Variants in FBXL7 observed in about 807,000 individuals in gnomAD.
FBXL7 encodes the protein F-box and leucine rich repeat protein 7.
Under a neutral mutation model 38.3 loss-of-function variants are expected in FBXL7, and 12 were observed. That is an observed-to-expected ratio of 0.31 (90% CI 0.20 to 0.51). The LOEUF (loss-of-function observed/expected upper bound fraction) is 0.51. FBXL7 is among the 20% of genes least tolerant of loss of function. FBXL7 has a pLI of 0.98. For synonymous variants in FBXL7, 297 were observed against 300.9 expected, an observed-to-expected ratio of 0.99 and a Z score of 0.13; for missense variants, 567 against 676.4, an observed-to-expected ratio of 0.84 and a Z score of 1.79.
At chr5:15,739,832 G>A (rs1023256918) in intron 2 of FBXL7, among the ~76,000 whole-genome samples, 8 of 152,052 alleles carry the variant, frequency 5.3e-5, no homozygotes, top group African/African-American at 7.2e-5. Context: ...TTACTGCTAC[G>A]AACATTTGTG....
At position 15,933,835 on chromosome 5, in the gene FBXL7, G is replaced by A. The variant is rs552093239; in HGVS notation, c.740-2615G>A. On this transcript the variant is annotated intron_variant, in intron 3 of 3. Transcript: ENST00000504595. The stretch of plus-strand genomic sequence containing the variant: ...GGATATTGCGTGAAACAGCCAAGGT[G>A]CAGAAGTGTCCGAAGTGAGGCGCCT... 3.9e-3 allele frequency among the ~76,000 whole-genome samples: 594 copies of A among 152,308 alleles called. 2 individuals carry two copies. The highest frequency in any genetic ancestry group is 0.017 in the Middle Eastern group (5 of 294).
intron 2 of FBXL7, among the ~76,000 whole-genome samples, chr5:15,637,785 C>T (rs115687489): frequency 0.017 from 2,565 of 152,310 alleles, 35 homozygotes; most frequent in Middle Eastern, 0.044. Flanking sequence ...GCATCATTCT[C>T]TGGACTCCAT....
intron 2 of FBXL7, among the ~76,000 whole-genome samples, chr5:15,683,715 A>C (rs1742923800): frequency 6.6e-6 from 1 of 152,122 alleles, no homozygotes. Flanking sequence ...AGTAGTTTAG[A>C]CCTTGGAAAA....
At chr5:15,704,446 CTCT>C (rs1743621271) in intron 2 of FBXL7, among the ~76,000 whole-genome samples, 1 of 152,084 alleles carries the variant, frequency 6.6e-6, no homozygotes, top group African/African-American at 2.4e-5. Context: ...TAAAAATATT[CTCT>C]TCTATGATTA....
intron 1 of FBXL7, among the ~76,000 whole-genome samples, chr5:15,595,811 A>G (rs1739610301): frequency 6.6e-6 from 1 of 152,172 alleles, no homozygotes; most frequent in African/African-American, 2.4e-5. Context: ...TAAGGAGATG[A>G]TGTGGTGTGG....
intron 2 of FBXL7, among the ~76,000 whole-genome samples, chr5:15,763,900 G>T (rs1225966662): frequency 6.6e-6 from 1 of 152,212 alleles, no homozygotes; most frequent in East Asian, 1.9e-4. Flanking sequence ...GCAGAGCCAG[G>T]AGCACTGGTG....
At chr5:15,892,840 G>A (rs758865056) in intron 2 of FBXL7, among the ~76,000 whole-genome samples, 10 of 152,152 alleles carry the variant, frequency 6.6e-5, no homozygotes, top group African/African-American at 2.4e-4. Context: ...GGCTTAGGCC[G>A]GGCGCGGTGG....
intron 2 of FBXL7, among the ~76,000 whole-genome samples, chr5:15,887,906 G>C (rs1740743695): frequency 6.6e-6 from 1 of 152,176 alleles, no homozygotes; most frequent in South Asian, 2.1e-4. Context: ...TCCGCCAGTA[G>C]CTTCCATGTT....
intron 2 of FBXL7, among the ~76,000 whole-genome samples, chr5:15,616,517 C>T (rs1189608512): frequency 6.6e-6 from 1 of 152,068 alleles, no homozygotes; most frequent in African/African-American, 2.4e-5. Flanking sequence ...GAGTTAATCT[C>T]CAAAATTTGG....
chr5:15,531,198 C>T (rs1737419914), intron 1 of FBXL7, among the ~76,000 whole-genome samples: 1 of 152,040 alleles, frequency 6.6e-6, no homozygotes, highest in African/African-American at 2.4e-5. Context: ...TATTGTATAG[C>T]ATAGTGTACT....
chr5:15,566,927 A>G lies in FBXL7; in HGVS notation c.38-49056A>G, dbSNP rs565773311. 1.7e-4 allele frequency among the ~76,000 whole-genome samples: 26 copies of G among 152,262 alleles called. No homozygotes were observed. The East Asian group carries it at 4.8e-3, about 28-fold the overall frequency. On this transcript the variant is annotated intron_variant, in intron 1 of 3. Coordinates refer to ENST00000504595, the MANE Select transcript of FBXL7 (RefSeq NM_012304.5). ...GTGAAGGTTTATTGCAGAGCTATTT[A>G]TTCCTCCCAGTTAGACAGTGAGTCA...
intron 1 of FBXL7, among the ~76,000 whole-genome samples, chr5:15,600,884 C>T (rs1283840948): frequency 6.6e-6 from 1 of 152,164 alleles, no homozygotes; most frequent in East Asian, 1.9e-4. Flanking sequence ...AACTGTCTGT[C>T]TGTCTTTTGC....
At chr5:15,628,157 A>C (rs941545756) in intron 2 of FBXL7, among the ~76,000 whole-genome samples, 1 of 152,170 alleles carries the variant, frequency 6.6e-6, no homozygotes, top group African/African-American at 2.4e-5. Context: ...TCTGTTGTTT[A>C]TAGCGGCTAG....
intron 1 of FBXL7, among the ~76,000 whole-genome samples, chr5:15,590,853 A>T (rs201280926): frequency 6.6e-6 from 1 of 152,188 alleles, no homozygotes; most frequent in African/African-American, 2.4e-5. Flanking sequence ...ACTGAGTCAC[A>T]TAGCTTTATT....
rs1388521589 is a variant in FBXL7 at position 15,760,528 on chromosome 5, A to C, written c.127+144456A>C. Among the ~76,000 whole-genome samples, 12 of 151,996 alleles carry C rather than the reference A, an allele frequency of 7.9e-5. No individual in the cohort carries two copies. The East Asian group carries it at 1.7e-3, about 22-fold the overall frequency. On this transcript the variant is annotated intron_variant, in intron 2 of 3. Transcript: ENST00000504595. The stretch of plus-strand genomic sequence containing the variant: ...TGCTGAGGTTTTTCACAGGCTCATC[A>C]TTGCCTAACACATTGAGCTTTACCT...
intron 1 of FBXL7, among the ~76,000 whole-genome samples, chr5:15,511,948 A>G (rs1390339175): frequency 6.6e-6 from 1 of 152,212 alleles, no homozygotes; most frequent in East Asian, 1.9e-4. Flanking sequence ...AGATCATGAC[A>G]AAATGACATT....
chr5:15,648,662 C>A (rs1257525185), intron 2 of FBXL7, among the ~76,000 whole-genome samples: 1 of 152,192 alleles, frequency 6.6e-6, no homozygotes, highest in African/African-American at 2.4e-5. Context: ...ACCAGCTTCC[C>A]ATGTGTTTGT....
At chr5:15,588,528 A>G (rs957028439) in intron 1 of FBXL7, among the ~76,000 whole-genome samples, 5 of 151,894 alleles carry the variant, frequency 3.3e-5, no homozygotes, top group African/African-American at 9.7e-5. Context: ...CTGGGGTTAC[A>G]GGCTCCCACC....
intron 2 of FBXL7, among the ~76,000 whole-genome samples, chr5:15,901,864 A>G (rs1420798524): frequency 6.6e-6 from 1 of 152,176 alleles, no homozygotes; most frequent in African/African-American, 2.4e-5. Context: ...TTTTTCAGGT[A>G]AATACCAATT....
Sources: gnomAD v4.1 joint callset for allele counts (sites outside exome capture counted in the v4.1 genomes callset) on GRCh38, gnomAD v4.1.1 for gene constraint, MANE v1.5 for transcripts, NCBI Gene and HGNC (gene_info 2026-07-23, HGNC 2026-07-21) for gene names.